The following ADAM10 variants were observed in gnomAD, a reference collection of about 807,000 sequenced individuals.
The protein encoded by ADAM10 is disintegrin and metalloproteinase domain-containing protein 10.
A neutral mutation model predicts 90.1 loss-of-function variants in ADAM10; 17 were observed. The observed-to-expected ratio is 0.19, with a 90% confidence interval of 0.13 to 0.28. The LOEUF is 0.28. ADAM10 is among the 10% of genes least tolerant of loss of function. The pLI, the probability that ADAM10 is intolerant of heterozygous loss-of-function variation, is 1.00. For synonymous variants in ADAM10, 310 were observed against 298.6 expected (o/e 1.04, Z -0.40); for missense variants, 610 against 914.3 (o/e 0.67, Z 4.29).
chr15:58,635,544 A>G (rs2140679208), intron 8 of ADAM10, among the ~76,000 whole-genome samples: 1 of 152,198 alleles, frequency 6.6e-6, no homozygotes, highest in South Asian at 2.1e-4. Flanking sequence ...AATTTAATAT[A>G]TTTTCTTCAA....
intron 5 of ADAM10, among the ~76,000 whole-genome samples, chr15:58,659,222 G>C (rs1452305627): frequency 2.0e-5 from 3 of 150,532 alleles, no homozygotes; most frequent in Non-Finnish European, 4.4e-5. Context: ...GCAGTGGGCC[G>C]AGATCACACC....
chr15:58,611,781 T>C (rs1895445513), intron 12 of ADAM10, 27 bp downstream of exon 12: 10 of 1,607,700 alleles, frequency 6.2e-6, no homozygotes, highest in Non-Finnish European at 8.5e-6. Context: ...TAAAATTAAA[T>C]TTTAAAACAT....
chr15:58,609,973 C>A (rs539079983), intron 14 of ADAM10: 108 of 288,344 alleles, frequency 3.7e-4, no homozygotes, highest in African/African-American at 1.5e-3. Flanking sequence ...TGAAAAACAA[C>A]AAAAAAAAAT....
intron 2 of ADAM10, among the ~76,000 whole-genome samples, chr15:58,707,780 G>A (rs1358174375): frequency 6.6e-6 from 1 of 152,120 alleles, no homozygotes; most frequent in Non-Finnish European, 1.5e-5. Flanking sequence ...AAACTACTAT[G>A]TATAAAACAT....
At chr15:58,616,367 G>T (rs1895614919) in intron 11 of ADAM10, among the ~76,000 whole-genome samples, 1 of 152,184 alleles carries the variant, frequency 6.6e-6, no homozygotes, top group African/African-American at 2.4e-5. Flanking sequence ...CTCCAGGATA[G>T]ACCACATATT....
chr15:58,601,869 T>C (rs1369977177), intron 14 of ADAM10, among the ~76,000 whole-genome samples: 1 of 152,242 alleles, frequency 6.6e-6, no homozygotes, highest in Non-Finnish European at 1.5e-5. Flanking sequence ...TGTTTCTTTG[T>C]GATCAAATTC....
At chr15:58,690,393 CACA>C (rs1230126684) in intron 2 of ADAM10, among the ~76,000 whole-genome samples, 1 of 152,092 alleles carries the variant, frequency 6.6e-6, no homozygotes, top group Non-Finnish European at 1.5e-5. Flanking sequence ...TTACAGATAC[CACA>C]ACAAGCCAAG....
intron 2 of ADAM10, among the ~76,000 whole-genome samples, chr15:58,688,460 G>A (rs901890595): frequency 2.0e-5 from 3 of 149,386 alleles, no homozygotes; most frequent in Non-Finnish European, 3.0e-5. Context: ...AAAAACAAGG[G>A]GTAAAAAAAC....
chr15:58,599,179 C>CGGGAGGGAGGGAAGAT (rs1895042305), intron 15 of ADAM10, among the ~76,000 whole-genome samples: 2 of 7,952 alleles, frequency 2.5e-4, no homozygotes, highest in South Asian at 7.9e-3. Flanking sequence ...GAAGGGAGGG[C>CGGGAGGGAGGGAAGAT]GGGAGGGAGG....
At chr15:58,634,048 C>T (rs1479382576) in intron 8 of ADAM10, among the ~76,000 whole-genome samples, 1 of 152,028 alleles carries the variant, frequency 6.6e-6, no homozygotes, top group African/African-American at 2.4e-5. Flanking sequence ...CAGTGGCTCA[C>T]GCCTGTAATC....
chr15:58,647,248 A>ATTTCTTTTTTTTTTTTTTTTTTTTTTT lies in ADAM10; in HGVS notation c.586-1045_586-1044insAAAAAAAAAAAAAAAAAAAAAAAGAAA, dbSNP rs1162350060. On this transcript the variant is annotated intron_variant, in intron 5 of 15. Coordinates refer to ENST00000260408, the MANE Select transcript of ADAM10 (RefSeq NM_001110.4). ...TGGCAGCAAAGAGTAGACACTAAGTATTTTTTTTTTTTTTTTTTTTTTTTT... is the reference window on the plus strand; with the variant it reads ...TGGCAGCAAAGAGTAGACACTAAGTATTTCTTTTTTTTTTTTTTTTTTTTTTTTTTTTTTTTTTTTTTTTTTTTTTTT... Among the ~76,000 whole-genome samples the ATTTCTTTTTTTTTTTTTTTTTTTTTTT allele has an allele frequency of 1.7e-4, 10 of 59,602 alleles. 1 individual carries two copies. Among genetic ancestry groups the ATTTCTTTTTTTTTTTTTTTTTTTTTTT allele is most frequent in the African/African-American group, 4.8e-4 (9 of 18,646 alleles). 39.1% of individuals were successfully genotyped at this position (59,602 alleles called of 152,430 possible).
At chr15:58,622,121 C>T (rs1895804484) in intron 10 of ADAM10, among the ~76,000 whole-genome samples, 1 of 152,186 alleles carries the variant, frequency 6.6e-6, no homozygotes, top group Admixed American at 6.5e-5. Flanking sequence ...CTCACTTACT[C>T]CCACAGTTTT....
rs139458055 is a variant in ADAM10, at chr15:58,718,311, G to A, written c.56-584C>T. Among the ~76,000 whole-genome samples, 90 of 151,972 alleles carry A rather than the reference G, an allele frequency of 5.9e-4. 1 individual carries two copies. In the East Asian group the frequency reaches 7.7e-3, roughly 13 times the overall value. ...AATTAAATTTTACTGATTTTTGAAC[G>A]TTAAGCCAACCTTGCATTACTGAGA... On this transcript the variant is annotated intron_variant, in intron 1 of 15. Coordinates refer to ENST00000260408, the MANE Select transcript of ADAM10 (RefSeq NM_001110.4).
chr15:58,652,634 T>C (rs1896718099), intron 5 of ADAM10, among the ~76,000 whole-genome samples: 1 of 152,192 alleles, frequency 6.6e-6, no homozygotes, highest in South Asian at 2.1e-4. Context: ...GTTTGGTTAC[T>C]ATAGCGCTAC....
chr15:58,614,031 G>A (rs1432097245), intron 11 of ADAM10, among the ~76,000 whole-genome samples: 2 of 152,156 alleles, frequency 1.3e-5, no homozygotes, highest in Non-Finnish European at 2.9e-5. Flanking sequence ...TTTTGGCTGG[G>A]GTGCACTGGC....
At chr15:58,641,806 C>T (rs17301905) in intron 7 of ADAM10, among the ~76,000 whole-genome samples, 43,067 of 151,932 alleles carry the variant, frequency 0.28, 8,735 homozygotes, top group African/African-American at 0.57. Flanking sequence ...ATGTTTTTAC[C>T]GAAAGGCAAA....
intron 2 of ADAM10, among the ~76,000 whole-genome samples, chr15:58,685,947 A>G (rs1566994499): frequency 6.6e-6 from 1 of 152,184 alleles, no homozygotes; most frequent in Non-Finnish European, 1.5e-5. Flanking sequence ...TGGTGGAGAA[A>G]CCATTACTGG....
chr15:58,681,848 T>C (rs943683919), intron 3 of ADAM10, among the ~76,000 whole-genome samples: 2 of 152,238 alleles, frequency 1.3e-5, no homozygotes, highest in Admixed American at 1.3e-4. Flanking sequence ...CTTTTAGACT[T>C]TTCCTGTTTT....
At chr15:58,700,219 A>C (rs1262966669) in intron 2 of ADAM10, among the ~76,000 whole-genome samples, 2 of 152,248 alleles carry the variant, frequency 1.3e-5, no homozygotes, top group African/African-American at 4.8e-5. Flanking sequence ...CATTGGATTT[A>C]AACTGCACAT....
Sources: gnomAD v4.1 joint callset for allele counts (sites outside exome capture counted in the v4.1 genomes callset) on GRCh38, gnomAD v4.1.1 for gene constraint, MANE v1.5 for transcripts, NCBI Gene and HGNC (gene_info 2026-07-23, HGNC 2026-07-21) for gene names.